ASPM: variants seen among roughly 807,000 people sequenced by gnomAD.
ASPM encodes the protein abnormal spindle-like microcephaly-associated protein.
ASPM carries 256 observed loss-of-function variants against 366.4 expected under a neutral mutation model. That is an observed-to-expected ratio of 0.70 (90% CI 0.63 to 0.77). The LOEUF is 0.77. Among genes scored for constraint, ASPM ranks in the 30% least tolerant of loss-of-function variants. The probability of loss-of-function intolerance (pLI) is 0.00; values close to 1 mark genes in which losing one functional copy is unlikely to be tolerated. For missense variants in ASPM, 4,146 were observed against 4,090.4 expected, an observed-to-expected ratio of 1.01 and a Z score of -0.37; for synonymous variants, 1,414 against 1,342.9, an observed-to-expected ratio of 1.05 and a Z score of -1.16.
At chr1:197,141,824 A>T in intron 3 of ASPM, among the ~76,000 whole-genome samples, 1 of 152,044 alleles carries the variant, frequency 6.6e-6, no homozygotes, top group South Asian at 2.1e-4. Flanking sequence ...TATATCTAGA[A>T]AAATTGCCTT....
chr1:197,135,664 A>G (rs1374448401), intron 4 of ASPM, among the ~76,000 whole-genome samples: 1 of 73,306 alleles, frequency 1.4e-5, no homozygotes, highest in Admixed American at 1.6e-4. Flanking sequence ...TGGTAGAATG[A>G]TTTATTTTCT....
chr1:197,117,772 A>G lies in ASPM; in HGVS notation c.4065+17T>C. The G allele has an allele frequency of 2.5e-6, 4 of 1,585,554 alleles. No individual in the cohort carries two copies. Among genetic ancestry groups the G allele is most frequent in the Non-Finnish European group, 3.4e-6 (4 of 1,169,602 alleles). On this transcript the variant is annotated intron_variant, in intron 17 of 27. Coordinates refer to ENST00000367409, the MANE Select transcript of ASPM (RefSeq NM_018136.5). Reference sequence around the variant, plus strand: ...TTAAAATTTTTTAAATTCAAAAATTAGTCCAGGATACTATACCTGAATAAG... The same window carrying G: ...TTAAAATTTTTTAAATTCAAAAATTGGTCCAGGATACTATACCTGAATAAG...
At chr1:197,135,305 CAA>C (rs985878015) in intron 4 of ASPM, 63 bp from the exon 5 acceptor site, 3 of 1,502,300 alleles carry the variant, frequency 2.0e-6, no homozygotes, top group African/African-American at 2.8e-5. Context: ...CAATATACAG[CAA>C]AAGTCATTTT....
At position 197,088,269 on chromosome 1, in the gene ASPM, G is replaced by A. The variant is rs375363647; in HGVS notation, c.10148C>T (p.Thr3383Ile). Residue 3383 changes from threonine to isoleucine, a missense_variant, in exon 26 of 28, where the codon ACA becomes ATA. Thr to Ile is a moderately conservative substitution (Grantham distance 89). Coordinates refer to ENST00000367409, the MANE Select transcript of ASPM (RefSeq NM_018136.5). ...CCLLAILLKT[T>I]NRASDVRSRS... Reference sequence around the variant, plus strand: ...ACTAATACTTACAGAGGCTCTATTTGTTGTCTTCAGTAAAATAGCCAACAA... The same window carrying A: ...ACTAATACTTACAGAGGCTCTATTTATTGTCTTCAGTAAAATAGCCAACAA... The A allele has an allele frequency of 2.4e-5, 38 of 1,612,922 alleles. No individual in the cohort carries two copies. Among genetic ancestry groups the A allele is most frequent in the Non-Finnish European group, 2.8e-5 (33 of 1,179,562 alleles).
At chr1:197,110,245 T>C (rs968974601) in intron 17 of ASPM, among the ~76,000 whole-genome samples, 4 of 151,920 alleles carry the variant, frequency 2.6e-5, no homozygotes, top group African/African-American at 9.7e-5. Flanking sequence ...TGAAACAGAA[T>C]ACAGTCCAGA....
At chr1:197,134,439 T>C (rs1658358208) in intron 5 of ASPM, among the ~76,000 whole-genome samples, 1 of 151,570 alleles carries the variant, frequency 6.6e-6, no homozygotes, top group East Asian at 1.9e-4. Context: ...AAAAATCCTA[T>C]ACACGCGCTT....
intron 16 of ASPM, among the ~76,000 whole-genome samples, chr1:197,118,720 A>T (rs1657815860): frequency 6.6e-6 from 1 of 152,188 alleles, no homozygotes; most frequent in Non-Finnish European, 1.5e-5. Flanking sequence ...ATGAGCAAAT[A>T]CTACTCTTAC....
chr1:197,090,157 G>C, intron 24 of ASPM, 39 bp downstream of exon 24: 1 of 1,609,616 alleles, frequency 6.2e-7, no homozygotes, highest in Middle Eastern at 1.7e-4. Context: ...TAATAATGTA[G>C]TATTACATCA....
chr1:197,142,977 A>T lies in ASPM; in HGVS notation c.1275T>A (p.Ser425=), dbSNP rs778536838. Residue 425 remains serine, a synonymous_variant, in exon 3 of 28, where the codon TCT becomes TCA. Transcript: ENST00000367409. ...LSNENSQVPQ[S]PEDWRKSEVS... ...CTTCACTTTTTCTCCAATCTTCAGGAGACTGTGGGACTTGAGAATTTTCAT... is the reference window on the plus strand; with the variant it reads ...CTTCACTTTTTCTCCAATCTTCAGGTGACTGTGGGACTTGAGAATTTTCAT... 1 of 1,613,948 alleles carries T rather than the reference A, an allele frequency of 6.2e-7. No homozygotes were observed. Among genetic ancestry groups the T allele is most frequent in the Non-Finnish European group, 8.5e-7 (1 of 1,179,888 alleles).
Position 197,098,272 on chromosome 1 carries a change from T to C in ASPM, c.8821-2108A>G, listed in dbSNP as rs190955159. ...TACTATATCCCAGTGGCTCCCAAAC[T>C]TCGCTGCTCATTAGAGTCACCTGGG... On this transcript the variant is annotated intron_variant, in intron 18 of 27. Coordinates refer to ENST00000367409, the MANE Select transcript of ASPM (RefSeq NM_018136.5). Among the ~76,000 whole-genome samples, 119 of 151,452 alleles carry C rather than the reference T, an allele frequency of 7.9e-4. 1 individual carries two copies. The highest frequency in any genetic ancestry group is 2.7e-3 in the African/African-American group (113 of 41,396).
rs1170990977 is a variant in ASPM, at chr1:197,117,872, T to C, written c.3982A>G (p.Arg1328Gly). The C allele has an allele frequency of 6.2e-7, 1 of 1,613,490 alleles. No homozygotes were observed. Among genetic ancestry groups the C allele is most frequent in the East Asian group, 2.2e-5 (1 of 44,838 alleles). The change falls in exon 17 of 28, where the codon AGA (arginine) becomes GGA (glycine). Residue 1328 changes from arginine to glycine, a missense_variant. Arg to Gly is a moderately radical substitution (Grantham distance 125). Around this residue, in one of 3 missense-constraint regions of ASPM, gnomAD observed 3,624 missense variants for 3,591.7 expected, o/e 1.01. Transcript: ENST00000367409. Reference protein sequence around the residue: ...AALVIQKYWRRVLAQRKLLML... With the variant: ...AALVIQKYWRGVLAQRKLLML... ...AATAATTTTCTCTGTGCTAAGACTC[T>C]TCGCCAATATTTCTGAATGACGAGT...
intron 17 of ASPM, among the ~76,000 whole-genome samples, chr1:197,115,851 T>A (rs1657722785): frequency 6.6e-6 from 1 of 152,204 alleles, no homozygotes; most frequent in Non-Finnish European, 1.5e-5. Context: ...ATATTTAGCA[T>A]AATTCTTAAG....
intron 27 of ASPM, among the ~76,000 whole-genome samples, chr1:197,085,817 T>C (rs1656572222): frequency 6.6e-6 from 1 of 152,130 alleles, no homozygotes; most frequent in Non-Finnish European, 1.5e-5. Context: ...TGTATCTCAG[T>C]GGTGGTAGTT....
chr1:197,092,040 G>T lies in ASPM; in HGVS notation c.9311C>A (p.Ala3104Asp), dbSNP rs1443909399. Residue 3104 changes from alanine (A) to aspartate (D), a missense_variant, in exon 22 of 28, where the codon GCC (alanine) becomes GAC (aspartate). By Grantham distance (126) the Ala-to-Asp change is moderately radical (BLOSUM62 -2). Transcript: ENST00000367409. ...AGTGAAGTGAAGAAGTCGAATTTTG[G>T]CTCTCTGTTCTAAAAACTAAAGGTG... ...LVRKRFLEQR[A>D]KIRLLHFTAA... 2.5e-6 allele frequency: 4 copies of T among 1,611,516 alleles called. No homozygotes were observed. The highest frequency in any genetic ancestry group is 2.2e-5 in the East Asian group (1 of 44,722).
chr1:197,101,021 T>G lies in ASPM; in HGVS notation c.8230A>C (p.Thr2744Pro). 1 of 1,612,314 alleles carries G rather than the reference T, an allele frequency of 6.2e-7. No homozygotes were observed. Among genetic ancestry groups the G allele is most frequent in the Non-Finnish European group, 8.5e-7 (1 of 1,179,066 alleles). ...ATGCCTCTAAAAGCAGCCTGAATAG[T>G]TCGTACAGATTTCTGAACTGCTAAA... ...NFLAVQKSVR[T>P]IQAAFRGMKV... The change falls in exon 18 of 28, where the codon ACT becomes CCT. Residue 2744 changes from threonine to proline, a missense_variant. Transcript: ENST00000367409.
chr1:197,087,168 G>A (rs926067774), intron 26 of ASPM, among the ~76,000 whole-genome samples, 196 bp from the exon 27 acceptor site: 5 of 151,768 alleles, frequency 3.3e-5, no homozygotes, highest in African/African-American at 7.3e-5. Flanking sequence ...TCTGCCTCCC[G>A]GGTTCACGCC....
chr1:197,103,050 T>A lies in ASPM; in HGVS notation c.6201A>T (p.Arg2067Ser). 6.2e-7 allele frequency: 1 copy of A among 1,612,298 alleles called. No individual in the cohort carries two copies. The highest frequency in any genetic ancestry group is 8.5e-7 in the Non-Finnish European group (1 of 1,179,056). Residue 2067 changes from arginine (R) to serine (S), a missense_variant, in exon 18 of 28, where the codon AGA becomes AGT. By Grantham distance (110) the Arg-to-Ser change is moderately radical. Coordinates refer to ENST00000367409, the MANE Select transcript of ASPM (RefSeq NM_018136.5). ...YKTKKKYATY[R>S]ASAIIIQRWY... ...ATCTCTGAATTATAATAGCTGAAGC[T>A]CTATAGGTTGCATATTTCTTTTTGG...
At chr1:197,123,780 T>C (rs987263988) in intron 13 of ASPM, among the ~76,000 whole-genome samples, 4 of 152,194 alleles carry the variant, frequency 2.6e-5, no homozygotes, top group Non-Finnish European at 2.9e-5. Flanking sequence ...AAGTTCTTAG[T>C]TGTCCCTTTC....
In ASPM at chr1:197,103,015, C is replaced by A. The variant is rs780776553; in HGVS notation, c.6236G>T (p.Gly2079Val). ...ATGCTGATGGTTTGTAATTTTAATA[C>A]CTCGATACCATCTCTGAATTATAAT... ...SAIIIQRWYR[G>V]IKITNHQHKE... is the part of the protein sequence containing the mutation. Residue 2079 changes from glycine to valine, a missense_variant, in exon 18 of 28, where the codon GGT becomes GTT. Coordinates refer to ENST00000367409, the MANE Select transcript of ASPM (RefSeq NM_018136.5). The A allele has an allele frequency of 6.2e-7, 1 of 1,612,256 alleles. No individual in the cohort carries two copies. Among genetic ancestry groups the A allele is most frequent in the East Asian group, 2.2e-5 (1 of 44,806 alleles).
Sources: allele counts gnomAD v4.1 joint callset (sites outside exome capture counted in the v4.1 genomes callset), GRCh38; gene constraint gnomAD v4.1.1; regional missense constraint gnomAD v4.1.1; transcripts MANE v1.5; gene names NCBI Gene and HGNC (gene_info 2026-07-23, HGNC 2026-07-21).